The following GPR26 variants were observed in gnomAD, a reference collection of about 807,000 sequenced individuals.
The protein encoded by GPR26 is G protein-coupled receptor 26.
GPR26 carries 15 observed loss-of-function variants against 23.1 expected under a neutral mutation model. That is an observed-to-expected ratio of 0.65 (90% confidence interval 0.43 to 1.00). The LOEUF is 1.00. Ranked by LOEUF, GPR26 falls within the 50% of genes least tolerant of loss-of-function variation. The pLI is 0.00. For synonymous variants in GPR26, 228 were observed against 222.1 expected (o/e 1.03, Z -0.24); for missense variants, 359 against 470.5 (o/e 0.76, Z 2.19).
In GPR26 at chr10:123,674,975, G is replaced by A; in HGVS notation, c.782+44G>A. On this transcript the variant is annotated intron_variant, in intron 2 of 2. Coordinates refer to ENST00000284674, the MANE Select transcript of GPR26 (RefSeq NM_153442.4). The surrounding 1 kb of genome is among the most constrained non-coding windows in gnomAD (Gnocchi z 4.1). The stretch of plus-strand genomic sequence containing the variant: ...TGTGTCTTGGGACTTTGAAGAGTAA[G>A]GCAGGGCCCAGTGACCTTTAGCAGT... 1 of 1,241,154 alleles carries A rather than the reference G, an allele frequency of 8.1e-7. No individual in the cohort carries two copies. The highest frequency in any genetic ancestry group is 2.2e-4 in the Middle Eastern group (1 of 4,574). 76.9% of individuals were successfully genotyped at this position (1,241,154 alleles called of 1,614,324 possible). A position where few individuals can be genotyped will look rare whatever the true frequency, so the allele number is the denominator to read the frequency against.
chr10:123,666,908 G>A lies in GPR26; in HGVS notation c.501G>A (p.Leu167=). 1 of 1,612,976 alleles carries A rather than the reference G, an allele frequency of 6.2e-7. No homozygotes were observed. The highest frequency in any genetic ancestry group is 8.5e-7 in the Non-Finnish European group (1 of 1,179,786). Reference sequence around the variant, plus strand: ...GCAGCCGGCGGCCAGACGAGCGCCTGCGCTTCGCCGTCTTCACTGGCGCCT... The same window carrying A: ...GCAGCCGGCGGCCAGACGAGCGCCTACGCTTCGCCGTCTTCACTGGCGCCT... ...TLCSRRPDER[L]RFAVFTGAFH... The change falls in exon 1 of 3, where the codon CTG becomes CTA. Residue 167 remains leucine (L), a synonymous_variant. Coordinates refer to ENST00000284674, the MANE Select transcript of GPR26 (RefSeq NM_153442.4).
chr10:123,684,346 T>C (rs7074957), intron 2 of GPR26, among the ~76,000 whole-genome samples: 6,740 of 151,798 alleles, frequency 0.044, 505 homozygotes, highest in African/African-American at 0.15. Context: ...GCTCTAGGAG[T>C]GGGGTGGGGC....
At chr10:123,672,156 T>C (rs1845258916) in intron 1 of GPR26, among the ~76,000 whole-genome samples, 1 of 152,022 alleles carries the variant, frequency 6.6e-6, no homozygotes, top group Admixed American at 6.6e-5. Context: ...AGGAAATGAG[T>C]GATGTGGCTC....
intron 1 of GPR26, among the ~76,000 whole-genome samples, chr10:123,668,154 G>A (rs909916020): frequency 6.6e-6 from 1 of 152,140 alleles, no homozygotes; most frequent in Non-Finnish European, 1.5e-5. Context: ...GGGGAGCCTC[G>A]GGGCAGAGGA....
At chr10:123,675,833 C>CATGTGTGTGTGTGTGTGTGT (rs71281364) in intron 2 of GPR26, among the ~76,000 whole-genome samples, 1 of 134,096 alleles carries the variant, frequency 7.5e-6, no homozygotes, top group Admixed American at 7.5e-5. Context: ...TGTGTGTGTA[C>CATGTGTGTGTGTGTGTGTGT]GTGTGTGTGT....
chr10:123,672,721 G>A (rs796181590), intron 1 of GPR26, among the ~76,000 whole-genome samples: 2 of 152,148 alleles, frequency 1.3e-5, no homozygotes, highest in South Asian at 4.1e-4. Flanking sequence ...CTAGAGTGAC[G>A]AACCGTCCTG....
At position 123,688,221 on chromosome 10, in the gene GPR26, G is replaced by C; in HGVS notation, c.*61G>C. The C allele has an allele frequency of 1.0e-6, 1 of 961,262 alleles. No individual in the cohort carries two copies. Among genetic ancestry groups the C allele is most frequent in the Non-Finnish European group, 1.6e-6 (1 of 619,120 alleles). 59.5% of individuals were successfully genotyped at this position (961,262 alleles called of 1,614,324 possible). On this transcript the variant is annotated 3_prime_UTR_variant, in exon 3 of 3. Coordinates refer to ENST00000284674, the MANE Select transcript of GPR26 (RefSeq NM_153442.4). ...CAGCGGTGAGAAGAAGGGTGGGAGGGCGTGGGGGCCCCTGGGTGGACACCA... is the reference window on the plus strand; with the variant it reads ...CAGCGGTGAGAAGAAGGGTGGGAGGCCGTGGGGGCCCCTGGGTGGACACCA...
At chr10:123,683,791 C>T (rs544922461) in intron 2 of GPR26, among the ~76,000 whole-genome samples, 2 of 152,312 alleles carry the variant, frequency 1.3e-5, no homozygotes, top group African/African-American at 4.8e-5. Flanking sequence ...TACAAGCACA[C>T]AGGGTTTGGG....
intron 2 of GPR26, among the ~76,000 whole-genome samples, chr10:123,683,539 T>C (rs1010881264): frequency 6.6e-6 from 1 of 150,726 alleles, no homozygotes; most frequent in Admixed American, 6.6e-5. Context: ...GAGAAGGCCT[T>C]GGAGTTCTGG....
intron 2 of GPR26, among the ~76,000 whole-genome samples, chr10:123,681,284 T>G (rs549980029): frequency 6.6e-6 from 1 of 152,284 alleles, no homozygotes; most frequent in African/African-American, 2.4e-5. Flanking sequence ...CCGCTCTGCT[T>G]CTTCTCTCAG....
chr10:123,685,301 C>G (rs372543833), intron 2 of GPR26, among the ~76,000 whole-genome samples: 1 of 152,194 alleles, frequency 6.6e-6, no homozygotes, highest in Non-Finnish European at 1.5e-5. Flanking sequence ...GATGCCTGCC[C>G]GGATCTGGAA....
chr10:123,670,755 A>G (rs1015675987), intron 1 of GPR26, among the ~76,000 whole-genome samples: 17 of 152,240 alleles, frequency 1.1e-4, no homozygotes, highest in African/African-American at 4.1e-4. Flanking sequence ...CTGGGCACAC[A>G]GATGGCACAG....
rs761463966 is a variant in GPR26 at position 123,666,905 on chromosome 10, C to T, written c.498C>T (p.Arg166=). ...CTLCSRRPDE[R]LRFAVFTGAF... ...TGTGCAGCCGGCGGCCAGACGAGCG[C>T]CTGCGCTTCGCCGTCTTCACTGGCG... Residue 166 remains arginine, a synonymous_variant, in exon 1 of 3, where the codon CGC becomes CGT. Coordinates refer to ENST00000284674, the MANE Select transcript of GPR26 (RefSeq NM_153442.4). 1.2e-6 allele frequency: 2 copies of T among 1,612,874 alleles called. No homozygotes were observed. The highest frequency in any genetic ancestry group is 1.7e-6 in the Non-Finnish European group (2 of 1,179,742).
intron 2 of GPR26, among the ~76,000 whole-genome samples, chr10:123,685,613 A>G (rs927067920): frequency 1.3e-5 from 2 of 152,204 alleles, no homozygotes; most frequent in African/African-American, 4.8e-5. Flanking sequence ...CAAAGCAGAA[A>G]TTGTCATTGT....
At chr10:123,672,826 T>C (rs1845266109) in intron 1 of GPR26, among the ~76,000 whole-genome samples, 1 of 152,216 alleles carries the variant, frequency 6.6e-6, no homozygotes, top group African/African-American at 2.4e-5. Context: ...CAGTCCCAGA[T>C]AAACTGGAAC....
In GPR26 at chr10:123,695,788, A is replaced by T. The variant is rs1845537656; in HGVS notation, c.*7628A>T. Among the ~76,000 whole-genome samples the T allele has an allele frequency of 6.6e-6, 1 of 152,166 alleles. No individual in the cohort carries two copies. The highest frequency in any genetic ancestry group is 2.4e-5 in the African/African-American group (1 of 41,444). On this transcript the variant is annotated 3_prime_UTR_variant, in exon 3 of 3. Transcript: ENST00000284674. ...TCTGCTCTAACAACCTTCGAATGTC[A>T]AGTTCCCTTGCAAGCTGAAATTGTT...
chr10:123,683,799 G>A (rs1845403855), intron 2 of GPR26, among the ~76,000 whole-genome samples: 1 of 152,198 alleles, frequency 6.6e-6, no homozygotes, highest in African/African-American at 2.4e-5. Flanking sequence ...CACAGGGTTT[G>A]GGGGTCTGGC....
chr10:123,683,248 C>G (rs1054129558), intron 2 of GPR26, among the ~76,000 whole-genome samples: 1 of 152,216 alleles, frequency 6.6e-6, no homozygotes, highest in African/African-American at 2.4e-5. Context: ...TCACCGGCAC[C>G]CACCTTCCAG....
intron 2 of GPR26, among the ~76,000 whole-genome samples, chr10:123,687,062 A>C (rs139531563): frequency 2.6e-3 from 389 of 152,198 alleles, no homozygotes; most frequent in African/African-American, 8.6e-3. Context: ...TGACCTCATA[A>C]CATGGTATTA....
Sources: allele counts gnomAD v4.1 joint callset (sites outside exome capture counted in the v4.1 genomes callset), GRCh38; gene constraint gnomAD v4.1.1; non-coding constraint Gnocchi (gnomAD v3.1); transcripts MANE v1.5; gene names NCBI Gene and HGNC (gene_info 2026-07-23, HGNC 2026-07-21).